PLXNA1: variants seen among roughly 807,000 people sequenced by gnomAD.
PLXNA1 encodes the protein plexin A1.
Under a neutral mutation model 191.7 loss-of-function variants are expected in PLXNA1, and 77 were observed. The observed-to-expected ratio is 0.40, with a 90% CI of 0.33 to 0.49. PLXNA1 has a LOEUF of 0.49. Among genes scored for constraint, PLXNA1 ranks in the 20% least tolerant of loss-of-function variants. The pLI is 0.63. For missense variants in PLXNA1, 2,110 were observed against 2,660.2 expected (o/e 0.79, Z 4.55); for synonymous variants, 1,137 against 1,156.4 (o/e 0.98, Z 0.34).
At position 127,037,264 on chromosome 3, in the gene PLXNA1, C is replaced by T. The variant is rs1037464546; in HGVS notation, c.*3247C>T. 3.9e-5 allele frequency: 6 copies of T among 152,654 alleles called. No individual in the cohort carries two copies. The highest frequency in any genetic ancestry group is 1.4e-4 in the African/African-American group (6 of 41,474). The allele number at this position is 152,654 out of a possible 1,614,324, so 9.5% of individuals were successfully genotyped here. On this transcript the variant is annotated 3_prime_UTR_variant, in exon 32 of 32. Transcript: ENST00000393409. ...AGCCGGGCTCTTTGCAGAAGCAGCA[C>T]CGCTGACTGTGGGCCCGGCCCTCAG...
Position 127,003,326 on chromosome 3 carries a change from G to C in PLXNA1, c.1378-4G>C, listed in dbSNP as rs368875040. The stretch of plus-strand genomic sequence containing the variant: ...GCTCCAGTTAGGGCCCCTTGCTGCC[G>C]CAGATCCTGGTGGACCTCTCAAACC... On this transcript the variant is annotated splice_region_variant and splice_polypyrimidine_tract_variant and intron_variant, in intron 3 of 31. Transcript: ENST00000393409. 3 of 1,587,578 alleles carry C rather than the reference G, an allele frequency of 1.9e-6. No individual in the cohort carries two copies. Among genetic ancestry groups the C allele is most frequent in the Non-Finnish European group, 2.6e-6 (3 of 1,162,100 alleles).
At chr3:127,010,006 G>T (rs1300932734) in intron 9 of PLXNA1, among the ~76,000 whole-genome samples, 4 of 152,252 alleles carry the variant, frequency 2.6e-5, no homozygotes, top group Non-Finnish European at 5.9e-5. Context: ...CCGCCAGTCA[G>T]CTCCCAGATC....
rs748150285 is a variant in PLXNA1, at chr3:126,988,902, C to T, written c.309C>T (p.Ser103=). 3 of 1,613,174 alleles carry T rather than the reference C, an allele frequency of 1.9e-6. No individual in the cohort carries two copies. Among genetic ancestry groups the T allele is most frequent in the Admixed American group, 1.7e-5 (1 of 60,012 alleles). Residue 103 remains serine, a synonymous_variant, in exon 2 of 32, where the codon TCC becomes TCT. Transcript: ENST00000393409. ...EKCYPPPSVQ[S]CPHGLGSTDN... ...GCTACCCGCCGCCCAGCGTGCAGTC[C>T]TGCCCCCACGGCCTGGGCAGTACTG...
chr3:127,022,845 G>A (rs377741314), intron 23 of PLXNA1, 27 bp downstream of exon 23: 1 of 1,595,708 alleles, frequency 6.3e-7, no homozygotes, highest in Non-Finnish European at 8.6e-7. Flanking sequence ...GGAAGCAGGT[G>A]TCAGAGGCAG....
chr3:127,021,559 C>G (rs1410927784), intron 21 of PLXNA1, among the ~76,000 whole-genome samples: 1 of 152,204 alleles, frequency 6.6e-6, no homozygotes, highest in African/African-American at 2.4e-5. Context: ...AACCTTGTGT[C>G]CTCATCCATG....
rs749515646 is a variant in PLXNA1 at position 127,006,102 on chromosome 3, T to C, written c.1921T>C (p.Tyr641His). 6 of 1,613,828 alleles carry C rather than the reference T, an allele frequency of 3.7e-6. No homozygotes were observed. The highest frequency in any genetic ancestry group is 5.1e-6 in the Non-Finnish European group (6 of 1,179,926). The change falls in exon 8 of 32, where the codon TAC becomes CAC. Residue 641 changes from tyrosine (Y) to histidine (H), a missense_variant. Coordinates refer to ENST00000393409, the MANE Select transcript of PLXNA1 (RefSeq NM_032242.4). ...AGGAGACCAGCGGGTGGTGAAACTC[T>C]ACCTAAAGTCCAAGGAGACAGGGAA... ...GQGDQRVVKL[Y>H]LKSKETGKKF...
chr3:126,990,876 C>A (rs898342712), intron 2 of PLXNA1, among the ~76,000 whole-genome samples: 3 of 152,200 alleles, frequency 2.0e-5, no homozygotes, highest in African/African-American at 7.2e-5. Context: ...CCACCACACT[C>A]TCTCTTTGTG....
chr3:126,986,892 C>G (rs1398857634), intron 1 of PLXNA1, among the ~76,000 whole-genome samples: 2 of 152,222 alleles, frequency 1.3e-5, no homozygotes, highest in Non-Finnish European at 2.9e-5. Context: ...ATCTTCAGGC[C>G]TCAGCTTCCC....
chr3:127,024,804 G>A (rs1286564092), intron 23 of PLXNA1, among the ~76,000 whole-genome samples: 3 of 152,158 alleles, frequency 2.0e-5, no homozygotes, highest in Non-Finnish European at 4.4e-5. Flanking sequence ...CCCCTGGATG[G>A]GACTGAGATG....
chr3:127,031,965 G>A (rs2079213793), intron 29 of PLXNA1: 1 of 190,020 alleles, frequency 5.3e-6, no homozygotes, highest in South Asian at 1.1e-4. Context: ...CCCTGAGGTG[G>A]TGTTTGGGGC....
chr3:127,002,201 C>T (rs2079044246), intron 3 of PLXNA1, among the ~76,000 whole-genome samples: 2 of 152,248 alleles, frequency 1.3e-5, no homozygotes, highest in Admixed American at 6.5e-5. Flanking sequence ...TGGGCCCATC[C>T]TGGCCGCCTC....
rs768261225 is a variant in PLXNA1 at position 127,018,534 on chromosome 3, T to C, written c.3895+6T>C. 3 of 1,602,948 alleles carry C rather than the reference T, an allele frequency of 1.9e-6. No homozygotes were observed. Among genetic ancestry groups the C allele is most frequent in the Non-Finnish European group, 2.6e-6 (3 of 1,172,470 alleles). On this transcript the variant is annotated splice_donor_region_variant and intron_variant, in intron 20 of 31. Transcript: ENST00000393409. ...GGCCCTCGAATGCAAGGAAGGTCTGTTGGGGCCAGGGCTCACTGGGGCAAC... is the reference window on the plus strand; with the variant it reads ...GGCCCTCGAATGCAAGGAAGGTCTGCTGGGGCCAGGGCTCACTGGGGCAAC...
At position 127,014,238 on chromosome 3, in the gene PLXNA1, G is replaced by T. The variant is rs555510429; in HGVS notation, c.2467G>T (p.Asp823Tyr). The change falls in exon 12 of 32, where the codon GAC (aspartate) becomes TAC (tyrosine). Residue 823 changes from aspartate (D) to tyrosine (Y), a missense_variant. Physicochemically the swap from Asp to Tyr is radical, Grantham distance 160. Around this residue, in one of 4 missense-constraint regions of PLXNA1, gnomAD observed 644 missense variants for 714.3 expected, o/e 0.90. Coordinates refer to ENST00000393409, the MANE Select transcript of PLXNA1 (RefSeq NM_032242.4). ...GAGCTGCGGCCTCTGCCTCAAGGCC[G>T]ACCCGCGCTTCGAGTGCGGATGGTG... ...RESCGLCLKA[D>Y]PRFECGWCVA... The T allele has an allele frequency of 3.1e-6, 5 of 1,604,998 alleles. No individual in the cohort carries two copies. In the South Asian group the frequency reaches 4.4e-5, roughly 14 times the overall value.
rs2079154727 is a variant in PLXNA1 at position 127,022,181 on chromosome 3, C to T, written c.4135C>T (p.Arg1379Cys). 3 of 1,613,376 alleles carry T rather than the reference C, an allele frequency of 1.9e-6. No individual in the cohort carries two copies. Among genetic ancestry groups the T allele is most frequent in the Non-Finnish European group, 2.5e-6 (3 of 1,179,990 alleles). Residue 1379 changes from arginine to cysteine, a missense_variant, in exon 22 of 32, where the codon CGC (arginine) becomes TGC (cysteine). Physicochemically the swap from Arg to Cys is radical, Grantham distance 180 (BLOSUM62 -3). Coordinates refer to ENST00000393409, the MANE Select transcript of PLXNA1 (RefSeq NM_032242.4). ...CTTCATCCGCACGCTGGAGGCACAGCGCAGCTTCTCCATGCGCGACCGCGG... is the reference window on the plus strand; with the variant it reads ...CTTCATCCGCACGCTGGAGGCACAGTGCAGCTTCTCCATGCGCGACCGCGG... Reference protein sequence around the residue: ...LTFIRTLEAQRSFSMRDRGNV... With the variant: ...LTFIRTLEAQCSFSMRDRGNV...
Position 127,017,469 on chromosome 3 carries a change from G to A in PLXNA1, c.3321G>A (p.Pro1107=), listed in dbSNP as rs751825348. ...YNDTTMVCRA[P]SVANPVRSPP... ...ACACCACCATGGTATGCCGCGCCCCGTCTGTGGCCAACCCTGTGCGCAGCC... is the reference window on the plus strand; with the variant it reads ...ACACCACCATGGTATGCCGCGCCCCATCTGTGGCCAACCCTGTGCGCAGCC... The change falls in exon 18 of 32, where the codon CCG becomes CCA. Residue 1107 remains proline (P), a synonymous_variant. Coordinates refer to ENST00000393409, the MANE Select transcript of PLXNA1 (RefSeq NM_032242.4). 21 of 1,613,226 alleles carry A rather than the reference G, an allele frequency of 1.3e-5. No homozygotes were observed. Among genetic ancestry groups the A allele is most frequent in the African/African-American group, 5.3e-5 (4 of 74,936 alleles).
In PLXNA1 at chr3:127,029,884, G is replaced by A; in HGVS notation, c.4881G>A (p.Leu1627=). 1 of 1,609,356 alleles carries A rather than the reference G, an allele frequency of 6.2e-7. No homozygotes were observed. The highest frequency in any genetic ancestry group is 1.1e-5 in the South Asian group (1 of 90,944). ...TKSLSRYESM[L]RTASSPDSLR... ...AGCCTGGTGCTGCAGAGAGCATGCT[G>A]CGCACGGCCAGCAGCCCCGACAGCC... The change falls in exon 28 of 32, where the codon CTG becomes CTA. Residue 1627 remains leucine, a synonymous_variant. Coordinates refer to ENST00000393409, the MANE Select transcript of PLXNA1 (RefSeq NM_032242.4).
chr3:127,026,663 G>C (rs1357068805), intron 23 of PLXNA1: 1 of 152,246 alleles, frequency 6.6e-6, no homozygotes, highest in African/African-American at 2.4e-5. Context: ...GGTCTTAACA[G>C]CTGTCTCTCT....
At position 127,017,024 on chromosome 3, in the gene PLXNA1, T is replaced by C. The variant is rs1432973861; in HGVS notation, c.3263T>C (p.Ile1088Thr). The C allele has an allele frequency of 1.2e-6, 2 of 1,613,176 alleles. No homozygotes were observed. The highest frequency in any genetic ancestry group is 1.7e-6 in the Non-Finnish European group (2 of 1,179,896). Residue 1088 changes from isoleucine (I) to threonine (T), a missense_variant, in exon 17 of 32, where the codon ATT becomes ACT. Ile to Thr is a moderately conservative substitution (Grantham distance 89). Coordinates refer to ENST00000393409, the MANE Select transcript of PLXNA1 (RefSeq NM_032242.4). ...EPRIRAKYGG[I>T]ERENGCLVYN... ...CGAATCCGGGCCAAGTATGGAGGCATTGAGAGGGAGAACGTGAGTCCCTGC... is the reference window on the plus strand; with the variant it reads ...CGAATCCGGGCCAAGTATGGAGGCACTGAGAGGGAGAACGTGAGTCCCTGC...
chr3:126,987,402 G>A (rs1179987273), intron 1 of PLXNA1, among the ~76,000 whole-genome samples: 1 of 152,250 alleles, frequency 6.6e-6, no homozygotes, highest in Non-Finnish European at 1.5e-5. Context: ...CCTCTGCATA[G>A]GGACCTGGCT....
Sources: gnomAD v4.1 joint callset for allele counts (sites outside exome capture counted in the v4.1 genomes callset) on GRCh38, gnomAD v4.1.1 for gene constraint, gnomAD v4.1.1 regional missense constraint, MANE v1.5 for transcripts, NCBI Gene and HGNC (gene_info 2026-07-23, HGNC 2026-07-21) for gene names.